Variants in FBXO8 observed in about 807,000 individuals in gnomAD.
FBXO8 encodes F-box protein 8.
In FBXO8, 15 loss-of-function variants were observed where a neutral mutation model predicts 33.4. The observed-to-expected ratio is 0.45, with a 90% CI of 0.30 to 0.69. The LOEUF is 0.69. Among genes scored for constraint, FBXO8 ranks in the 30% least tolerant of loss-of-function variants. The pLI, the probability that FBXO8 is intolerant of heterozygous loss-of-function variation, is 0.08. For missense variants in FBXO8, 274 were observed against 380.3 expected, an observed-to-expected ratio of 0.72 and a Z score of 2.32; for synonymous variants, 132 against 131.5, an observed-to-expected ratio of 1.00 and a Z score of -0.02.
chr4:174,243,202 C>A (rs1474750872), intron 3 of FBXO8, among the ~76,000 whole-genome samples: 2 of 151,388 alleles, frequency 1.3e-5, no homozygotes, highest in Non-Finnish European at 3.0e-5. Context: ...AATTTTATAT[C>A]TAATCTAACC....
At chr4:174,238,358 G>A (rs1735936834) in intron 5 of FBXO8, among the ~76,000 whole-genome samples, 1 of 151,832 alleles carries the variant, frequency 6.6e-6, no homozygotes, top group Non-Finnish European at 1.5e-5. Context: ...AGAAAGCCAA[G>A]TTGAACATTA....
chr4:174,258,142 A>T (rs920611545), intron 3 of FBXO8, among the ~76,000 whole-genome samples: 1 of 152,236 alleles, frequency 6.6e-6, no homozygotes, highest in Non-Finnish European at 1.5e-5. Flanking sequence ...TAACTGTGCC[A>T]TCATTTGAAT....
At chr4:174,280,989 T>C (rs554556381) in intron 1 of FBXO8, among the ~76,000 whole-genome samples, 6 of 152,292 alleles carry the variant, frequency 3.9e-5, no homozygotes, top group Admixed American at 3.3e-4. Context: ...ATTAATACCA[T>C]TGAACTGTAC....
At chr4:174,271,502 CA>C in intron 1 of FBXO8, among the ~76,000 whole-genome samples, 1 of 152,144 alleles carries the variant, frequency 6.6e-6, no homozygotes, top group East Asian at 1.9e-4. Context: ...CAATGGACCA[CA>C]ACCTCTCCCC....
rs1736932229 is a variant in FBXO8, at chr4:174,275,189, G to A, written c.-9+8221C>T. Reference sequence around the variant, plus strand: ...ATATACAAATGGCAAATAAGCACATGGTAAGATGGTCAACATCATTAGCCA... The same window carrying A: ...ATATACAAATGGCAAATAAGCACATAGTAAGATGGTCAACATCATTAGCCA... On this transcript the variant is annotated intron_variant, in intron 1 of 5. Transcript: ENST00000393674. The surrounding 1 kb of genome is among the most constrained non-coding windows in gnomAD (Gnocchi z 4.4). Among the ~76,000 whole-genome samples the A allele has an allele frequency of 6.6e-6, 1 of 152,110 alleles. No homozygotes were observed.
intron 1 of FBXO8, among the ~76,000 whole-genome samples, chr4:174,276,100 T>C (rs962812266): frequency 6.6e-6 from 1 of 152,220 alleles, no homozygotes; most frequent in Non-Finnish European, 1.5e-5. Context: ...ATGCTTCTAC[T>C]TATTAAAATA....
At chr4:174,244,369 G>A (rs1736112326) in intron 3 of FBXO8, among the ~76,000 whole-genome samples, 2 of 151,590 alleles carry the variant, frequency 1.3e-5, no homozygotes, top group Non-Finnish European at 3.0e-5. Flanking sequence ...CTTTAGTTGA[G>A]CTGTTCAAAG....
chr4:174,282,492 T>C (rs751620003), intron 1 of FBXO8, among the ~76,000 whole-genome samples: 27 of 152,182 alleles, frequency 1.8e-4, no homozygotes, highest in Non-Finnish European at 3.4e-4. Flanking sequence ...TCTGACCCAA[T>C]ATGAAAAAAA....
In FBXO8 at chr4:174,237,314, A is replaced by G; in HGVS notation, c.*98T>C. On this transcript the variant is annotated 3_prime_UTR_variant, in exon 6 of 6. Coordinates refer to ENST00000393674, the MANE Select transcript of FBXO8 (RefSeq NM_012180.3). This position sits in a 1 kb window ranked among gnomAD's most constrained non-coding sequence, Gnocchi z 4.4. Reference sequence around the variant, plus strand: ...CACACTGAAGCTTGATTGTATACTCAGGCTACAATGACCAGCACTGATGTA... The same window carrying G: ...CACACTGAAGCTTGATTGTATACTCGGGCTACAATGACCAGCACTGATGTA... The G allele has an allele frequency of 1.1e-6, 1 of 941,952 alleles. No individual in the cohort carries two copies. 58.3% of individuals were successfully genotyped at this position (941,952 alleles called of 1,614,324 possible).
intron 3 of FBXO8, among the ~76,000 whole-genome samples, chr4:174,243,288 G>T (rs1736083322): frequency 6.6e-6 from 1 of 151,254 alleles, no homozygotes; most frequent in South Asian, 2.1e-4. Flanking sequence ...CCTGAAAATT[G>T]GGAACATAGA....
At chr4:174,242,257 T>C (rs1474856569) in intron 3 of FBXO8, among the ~76,000 whole-genome samples, 1 of 151,590 alleles carries the variant, frequency 6.6e-6, no homozygotes, top group Non-Finnish European at 1.5e-5. Context: ...AACACTTACA[T>C]AGTACTCAGA....
rs1348928024 is a variant in FBXO8 at position 174,274,355 on chromosome 4, G to A, written c.-9+9055C>T. ...TAACATTTATGGAACTTAACCCATA[G>A]TAGGTAGTTTACAATAAAAGGTAGT... is the stretch of plus-strand genomic sequence containing the variant. On this transcript the variant is annotated intron_variant, in intron 1 of 5. Coordinates refer to ENST00000393674, the MANE Select transcript of FBXO8 (RefSeq NM_012180.3). The surrounding 1 kb of genome is among the most constrained non-coding windows in gnomAD (Gnocchi z 4.0). 6.6e-6 allele frequency among the ~76,000 whole-genome samples: 1 copy of A among 152,198 alleles called. No homozygotes were observed. Among genetic ancestry groups the A allele is most frequent in the Non-Finnish European group, 1.5e-5 (1 of 68,034 alleles).
At chr4:174,242,161 G>A (rs908949076) in intron 3 of FBXO8, among the ~76,000 whole-genome samples, 4 of 151,514 alleles carry the variant, frequency 2.6e-5, no homozygotes, top group South Asian at 2.1e-4. Flanking sequence ...ACTATGTGCC[G>A]TTAATTGGCA....
intron 3 of FBXO8, among the ~76,000 whole-genome samples, chr4:174,249,664 T>G (rs935407820): frequency 1.3e-5 from 2 of 152,004 alleles, no homozygotes; most frequent in African/African-American, 4.8e-5. Flanking sequence ...TGCTAGCACA[T>G]GTATATACTT....
intron 1 of FBXO8, among the ~76,000 whole-genome samples, chr4:174,264,889 G>A (rs192940106): frequency 4.0e-3 from 610 of 151,332 alleles, no homozygotes; most frequent in African/African-American, 0.014. Context: ...AAAAGACTGT[G>A]CATCCAAAAT....
rs1279564498 is a variant in FBXO8 at position 174,252,731 on chromosome 4, G to T, written c.456+6968C>A. Among the ~76,000 whole-genome samples, 2 of 151,800 alleles carry T rather than the reference G, an allele frequency of 1.3e-5. No homozygotes were observed. The highest frequency in any genetic ancestry group is 2.9e-5 in the Non-Finnish European group (2 of 67,992). On this transcript the variant is annotated intron_variant, in intron 3 of 5. Coordinates refer to ENST00000393674, the MANE Select transcript of FBXO8 (RefSeq NM_012180.3). This position sits in a 1 kb window ranked among gnomAD's most constrained non-coding sequence, Gnocchi z 5.1. The stretch of plus-strand genomic sequence containing the variant: ...TTTTTTAAACCTAAAAAATAGGCTA[G>T]GTATGATGACTCATTCCTGTAATTC...
chr4:174,267,705 TA>T lies in FBXO8; in HGVS notation c.-8-4606del, dbSNP rs1736725597. Among the ~76,000 whole-genome samples the T allele has an allele frequency of 6.6e-6, 1 of 152,184 alleles. No individual in the cohort carries two copies. Among genetic ancestry groups the T allele is most frequent in the Middle Eastern group, 3.2e-3 (1 of 316 alleles). Reference sequence around the variant, plus strand: ...AACCAATTAAAACTTAATTTCAAAGTATAAAGTTTTCAGATTTGTGTTAAAA... The same window carrying T: ...AACCAATTAAAACTTAATTTCAAAGTTAAAGTTTTCAGATTTGTGTTAAAA... On this transcript the variant is annotated intron_variant, in intron 1 of 5. Coordinates refer to ENST00000393674, the MANE Select transcript of FBXO8 (RefSeq NM_012180.3). This position sits in a 1 kb window ranked among gnomAD's most constrained non-coding sequence, Gnocchi z 4.7.
chr4:174,279,083 A>C (rs1286633270), intron 1 of FBXO8, among the ~76,000 whole-genome samples: 2 of 152,058 alleles, frequency 1.3e-5, no homozygotes, highest in Non-Finnish European at 2.9e-5. Flanking sequence ...AGTAAAAGAC[A>C]ACCAAATTGG....
chr4:174,271,099 C>G (rs1404781669), intron 1 of FBXO8, among the ~76,000 whole-genome samples: 1 of 151,918 alleles, frequency 6.6e-6, no homozygotes, highest in Non-Finnish European at 1.5e-5. Context: ...CTCTCTCTCC[C>G]ATAAAATGAC....
Sources: gnomAD v4.1 joint callset for allele counts (sites outside exome capture counted in the v4.1 genomes callset) on GRCh38, gnomAD v4.1.1 for gene constraint, Gnocchi (gnomAD v3.1) non-coding constraint, MANE v1.5 for transcripts, NCBI Gene and HGNC (gene_info 2026-07-23, HGNC 2026-07-21) for gene names.